TRIM67: variants seen among roughly 807,000 people sequenced by gnomAD.
TRIM67 encodes the protein tripartite motif containing 67.
A neutral mutation model predicts 71.0 loss-of-function variants in TRIM67; 39 were observed. That is an observed-to-expected ratio of 0.55 (90% CI 0.43 to 0.72). TRIM67 has a LOEUF of 0.72. Ranked by LOEUF, TRIM67 falls within the 30% of genes least tolerant of loss-of-function variation. TRIM67 has a pLI of 0.00. For synonymous variants in TRIM67, 481 were observed against 473.9 expected (o/e 1.01, Z -0.19); for missense variants, 973 against 1,079.2 (o/e 0.90, Z 1.38).
intron 1 of TRIM67, among the ~76,000 whole-genome samples, chr1:231,195,159 C>A (rs1232453905): frequency 6.6e-6 from 1 of 152,184 alleles, no homozygotes; most frequent in South Asian, 2.1e-4. Context: ...CCATGAATCA[C>A]GAGGCCTTTC....
chr1:231,208,440 C>G (rs1343429320), intron 7 of TRIM67, among the ~76,000 whole-genome samples: 2 of 152,164 alleles, frequency 1.3e-5, no homozygotes, highest in Non-Finnish European at 2.9e-5. Flanking sequence ...TCCCAAAGTG[C>G]TGGGATTACA....
intron 1 of TRIM67, among the ~76,000 whole-genome samples, chr1:231,175,660 G>A (rs142486490): frequency 3.5e-4 from 53 of 152,326 alleles, no homozygotes; most frequent in African/African-American, 9.1e-4. Context: ...CCATTGCTCC[G>A]AAGGGAGATA....
chr1:231,181,465 G>C (rs1682905592), intron 1 of TRIM67, among the ~76,000 whole-genome samples: 1 of 152,194 alleles, frequency 6.6e-6, no homozygotes, highest in Admixed American at 6.5e-5. Flanking sequence ...CCAAGTTGGG[G>C]GGTGGTGTTT....
chr1:231,205,583 G>C (rs979228928), intron 6 of TRIM67, among the ~76,000 whole-genome samples: 3 of 152,000 alleles, frequency 2.0e-5, no homozygotes, highest in Non-Finnish European at 4.4e-5. Context: ...AAAATTACCC[G>C]GGCATGGTGG....
chr1:231,184,881 A>G (rs1474559276), intron 1 of TRIM67: 2 of 776,002 alleles, frequency 2.6e-6, no homozygotes, highest in East Asian at 5.4e-5. Flanking sequence ...ACGAAGTCTC[A>G]CAGAGGGCAA....
intron 1 of TRIM67, among the ~76,000 whole-genome samples, chr1:231,173,055 T>G (rs1436816765): frequency 2.6e-5 from 4 of 152,228 alleles, no homozygotes; most frequent in African/African-American, 7.2e-5. Context: ...AATTACTCAT[T>G]CAGTCAATGA....
intron 5 of TRIM67, among the ~76,000 whole-genome samples, chr1:231,201,962 G>A (rs1185768896): frequency 6.6e-6 from 1 of 152,290 alleles, no homozygotes; most frequent in Non-Finnish European, 1.5e-5. Flanking sequence ...AGAGGAATCA[G>A]AGGAAGGGCC....
intron 1 of TRIM67, chr1:231,184,817 C>A: frequency 3.4e-6 from 2 of 593,606 alleles, no homozygotes; most frequent in Non-Finnish European, 6.0e-6. Flanking sequence ...CATCATTAAA[C>A]CTTGAGGCAG....
At chr1:231,197,282 C>A in intron 1 of TRIM67, 89 bp from the exon 2 acceptor site, 1 of 1,100,014 alleles carries the variant, frequency 9.1e-7, no homozygotes, top group Non-Finnish European at 1.4e-6. Flanking sequence ...CCTATCCCCT[C>A]TTATAAACAT....
At chr1:231,168,986 C>T (rs146904180) in intron 1 of TRIM67, among the ~76,000 whole-genome samples, 2 of 152,290 alleles carry the variant, frequency 1.3e-5, no homozygotes, top group East Asian at 1.9e-4. Flanking sequence ...GAGAAGAGTC[C>T]GCCGGGGCTC....
Position 231,219,986 on chromosome 1 carries a change from G to A in TRIM67, c.*4546G>A, listed in dbSNP as rs1293477827. On this transcript the variant is annotated 3_prime_UTR_variant, in exon 10 of 10. Transcript: ENST00000366653. ...TAATAGTGATTCATGGTATGAGTGG[G>A]GGCCAATCTCTTATCCTTTCTGTGC... 1 of 1,284,442 alleles carries A rather than the reference G, an allele frequency of 7.8e-7. No individual in the cohort carries two copies. Among genetic ancestry groups the A allele is most frequent in the East Asian group, 5.6e-5 (1 of 17,994 alleles). 79.6% of individuals were successfully genotyped at this position (1,284,442 alleles called of 1,614,324 possible). A position where few individuals can be genotyped will look rare whatever the true frequency, so the allele number is the denominator to read the frequency against.
chr1:231,214,220 C>G (rs1418721048), intron 9 of TRIM67, among the ~76,000 whole-genome samples: 2 of 152,166 alleles, frequency 1.3e-5, no homozygotes, highest in Non-Finnish European at 2.9e-5. Flanking sequence ...GGACTGAGCT[C>G]AGTCCCTGGG....
In TRIM67 at chr1:231,219,983, T is replaced by TG. The variant is rs1684102298; in HGVS notation, c.*4548dup. On this transcript the variant is annotated 3_prime_UTR_variant, in exon 10 of 10. Transcript: ENST00000366653. ...CTTTAATAGTGATTCATGGTATGAG[T>TG]GGGGGCCAATCTCTTATCCTTTCTG... 1 of 1,285,704 alleles carries TG rather than the reference T, an allele frequency of 7.8e-7. No homozygotes were observed. Among genetic ancestry groups the TG allele is most frequent in the South Asian group, 1.2e-5 (1 of 80,942 alleles). The allele number at this position is 1,285,704 out of a possible 1,614,324, so 79.6% of individuals were successfully genotyped here. A position where few individuals can be genotyped will look rare whatever the true frequency, so the allele number is the denominator to read the frequency against.
chr1:231,204,985 G>A (rs1475003984), intron 6 of TRIM67, among the ~76,000 whole-genome samples: 2 of 152,172 alleles, frequency 1.3e-5, no homozygotes, highest in Admixed American at 6.5e-5. Context: ...GAGATAGCTT[G>A]AGCCGGGTCA....
chr1:231,173,376 G>T (rs1199745252), intron 1 of TRIM67, among the ~76,000 whole-genome samples: 4 of 152,198 alleles, frequency 2.6e-5, no homozygotes, highest in Non-Finnish European at 4.4e-5. Context: ...ACGAGACCTT[G>T]TCTGTATTTT....
In TRIM67 at chr1:231,218,854, C is replaced by CT. The variant is rs905775159; in HGVS notation, c.*3417dup. ...GAGCTGGGGGCAGGCCCACCCTCCT[C>CT]TTTGCGCCCTTTCTCTCCCTCTTGG... On this transcript the variant is annotated 3_prime_UTR_variant, in exon 10 of 10. Transcript: ENST00000366653. 4 of 985,386 alleles carry CT rather than the reference C, an allele frequency of 4.1e-6. No individual in the cohort carries two copies. In the African/African-American group the frequency reaches 7.0e-5, roughly 17 times the overall value. 61.0% of individuals were successfully genotyped at this position (985,386 alleles called of 1,614,324 possible).
intron 1 of TRIM67, among the ~76,000 whole-genome samples, chr1:231,174,597 T>C (rs60359103): frequency 0.084 from 12,799 of 152,160 alleles, 586 homozygotes; most frequent in South Asian, 0.11. Context: ...GATTAGCCCC[T>C]CTCCCTCTCC....
intron 1 of TRIM67, among the ~76,000 whole-genome samples, chr1:231,175,818 A>G (rs1002332405): frequency 5.9e-5 from 9 of 152,232 alleles, no homozygotes; most frequent in African/African-American, 2.2e-4. Flanking sequence ...AAATTCAAAT[A>G]GATCCTTGAG....
chr1:231,210,274 G>A (rs372964137), intron 8 of TRIM67, among the ~76,000 whole-genome samples: 22 of 152,212 alleles, frequency 1.4e-4, no homozygotes, highest in African/African-American at 4.6e-4. Context: ...AAATTGACCC[G>A]GAGGCTCTCA....
Sources: gnomAD v4.1 joint callset for allele counts (sites outside exome capture counted in the v4.1 genomes callset) on GRCh38, gnomAD v4.1.1 for gene constraint, MANE v1.5 for transcripts, NCBI Gene and HGNC (gene_info 2026-07-23, HGNC 2026-07-21) for gene names.